Variants in APP observed in about 807,000 individuals in gnomAD.
The protein encoded by APP is amyloid beta precursor protein, also known as amyloid-beta precursor protein.
In APP, 31 loss-of-function variants were observed where a neutral mutation model predicts 101.4. The observed-to-expected ratio is 0.31, with a 90% CI of 0.23 to 0.41. The LOEUF (loss-of-function observed/expected upper bound fraction) is 0.41. Among genes scored for constraint, APP ranks in the 10% least tolerant of loss-of-function variants. The probability of loss-of-function intolerance (pLI) is 1.00; values close to 1 mark genes in which losing one functional copy is unlikely to be tolerated. For missense variants in APP, 839 were observed against 1,003.7 expected, an observed-to-expected ratio of 0.84 and a Z score of 2.22; for synonymous variants, 366 against 364.4, an observed-to-expected ratio of 1.00 and a Z score of -0.05.
chr21:25,895,616 AT>A (rs2037990646), intron 16 of APP, among the ~76,000 whole-genome samples: 1 of 152,218 alleles, frequency 6.6e-6, no homozygotes, highest in African/African-American at 2.4e-5. Context: ...CAAATGACTG[AT>A]TTTTCTAAGC....
chr21:26,011,586 C>A (rs1042992291), intron 6 of APP, among the ~76,000 whole-genome samples: 2 of 151,934 alleles, frequency 1.3e-5, no homozygotes, highest in Non-Finnish European at 2.9e-5. Flanking sequence ...ATTATCTGGC[C>A]CAAAACATCA....
intron 16 of APP, among the ~76,000 whole-genome samples, chr21:25,895,127 C>A: frequency 6.9e-6 from 1 of 145,622 alleles, no homozygotes; most frequent in Admixed American, 6.9e-5. Context: ...TTTTTTTAGA[C>A]ATAATGCTAT....
At chr21:26,141,641 A>G (rs1235410894) in intron 1 of APP, among the ~76,000 whole-genome samples, 1 of 152,140 alleles carries the variant, frequency 6.6e-6, no homozygotes, top group Non-Finnish European at 1.5e-5. Context: ...TCAATCACCA[A>G]TGCTGGCTTA....
At chr21:25,900,678 C>T (rs925371091) in intron 15 of APP, among the ~76,000 whole-genome samples, 1 of 151,996 alleles carries the variant, frequency 6.6e-6, no homozygotes, top group African/African-American at 2.4e-5. Flanking sequence ...GATTTTGGAG[C>T]CAAATATTTA....
At chr21:25,897,854 T>C in intron 15 of APP, 181 bp from the exon 16 acceptor site, 1 of 610,724 alleles carries the variant, frequency 1.6e-6, no homozygotes, top group Non-Finnish European at 2.9e-6. Flanking sequence ...CTACCTATTT[T>C]GAACAAAAAG....
intron 1 of APP, among the ~76,000 whole-genome samples, chr21:26,138,420 C>T (rs1183778397): frequency 6.6e-6 from 1 of 151,666 alleles, no homozygotes; most frequent in Non-Finnish European, 1.5e-5. Context: ...ATGTCATTCT[C>T]AAGCCAGGCA....
chr21:25,951,579 C>G (rs1326257145), intron 13 of APP, among the ~76,000 whole-genome samples: 1 of 151,988 alleles, frequency 6.6e-6, no homozygotes, highest in Non-Finnish European at 1.5e-5. Flanking sequence ...TGAACTGACT[C>G]CAAATCTAAA....
intron 1 of APP, among the ~76,000 whole-genome samples, chr21:26,140,782 T>C (rs1026589905): frequency 6.6e-6 from 1 of 152,274 alleles, no homozygotes; most frequent in Non-Finnish European, 1.5e-5. Flanking sequence ...TGTTAATTCA[T>C]AGACTCTCCC....
intron 5 of APP, among the ~76,000 whole-genome samples, chr21:26,023,011 C>G (rs2044411942): frequency 6.7e-6 from 1 of 148,704 alleles, no homozygotes; most frequent in Admixed American, 6.7e-5. Context: ...TTAAGTAAAC[C>G]TGCAATGCCC....
intron 3 of APP, among the ~76,000 whole-genome samples, chr21:26,056,258 G>A (rs1374749425): frequency 1.3e-5 from 2 of 152,150 alleles, no homozygotes; most frequent in East Asian, 1.9e-4. Context: ...GGCTGGTCTC[G>A]AACTCCTAGG....
intron 13 of APP, among the ~76,000 whole-genome samples, chr21:25,930,126 T>G (rs1460878144): frequency 3.9e-5 from 6 of 152,152 alleles, no homozygotes; most frequent in Non-Finnish European, 8.8e-5. Flanking sequence ...GTAGCAAGAC[T>G]TGCCCACAGC....
chr21:26,136,201 G>GAAAGAAAGA (rs1437228929), intron 1 of APP, among the ~76,000 whole-genome samples: 1 of 112,646 alleles, frequency 8.9e-6, no homozygotes, highest in African/African-American at 3.2e-5. Flanking sequence ...AAGAAAGAAA[G>GAAAGAAAGA]AAAAGAAAAG....
chr21:26,054,624 T>G (rs1248937819), intron 3 of APP, among the ~76,000 whole-genome samples: 3 of 105,244 alleles, frequency 2.9e-5, no homozygotes, highest in East Asian at 3.4e-4. Flanking sequence ...CCAAAAGTTT[T>G]TTTTTTTTTT....
rs558607879 is a variant in APP at position 25,966,553 on chromosome 21, T to C, written c.1458+8517A>G. Among the ~76,000 whole-genome samples the C allele has an allele frequency of 1.9e-3, 284 of 152,364 alleles. 1 individual carries two copies. The highest frequency in any genetic ancestry group is 3.3e-3 in the Non-Finnish European group (224 of 68,036). On this transcript the variant is annotated intron_variant, in intron 11 of 17. Transcript: ENST00000346798. ...TGCTGGTGGAATGCCTTAAACATTA[T>C]AATATTCATCTGTCCACATACCAAG...
At chr21:26,151,917 T>C (rs2063278826) in intron 1 of APP, among the ~76,000 whole-genome samples, 1 of 152,170 alleles carries the variant, frequency 6.6e-6, no homozygotes, top group African/African-American at 2.4e-5. Context: ...ACCTGATATT[T>C]GGCAAACAAT....
chr21:26,044,883 T>C (rs1413417925), intron 5 of APP, among the ~76,000 whole-genome samples: 1 of 152,216 alleles, frequency 6.6e-6, no homozygotes, highest in Non-Finnish European at 1.5e-5. Context: ...GGTATTCTCA[T>C]CCACTTAGTC....
chr21:25,953,404 TG>T (rs5843186), intron 13 of APP, among the ~76,000 whole-genome samples: 152,330 of 152,332 alleles, frequency 1, 76,164 homozygotes, highest in Middle Eastern at 1. Flanking sequence ...TGGCATAAAA[TG>T]GGAAAAAGTG....
chr21:26,025,219 AT>A (rs1186815584), intron 5 of APP, among the ~76,000 whole-genome samples: 1 of 152,120 alleles, frequency 6.6e-6, no homozygotes. Context: ...CTGCCTTTGC[AT>A]TTTTCTGTAG....
chr21:26,029,724 C>A (rs970473574), intron 5 of APP, among the ~76,000 whole-genome samples: 1 of 152,070 alleles, frequency 6.6e-6, no homozygotes, highest in African/African-American at 2.4e-5. Flanking sequence ...AACTGCAACC[C>A]GCAACTTGTT....
Sources: gnomAD v4.1 joint callset for allele counts (sites outside exome capture counted in the v4.1 genomes callset) on GRCh38, gnomAD v4.1.1 for gene constraint, MANE v1.5 for transcripts, NCBI Gene and HGNC (gene_info 2026-07-23, HGNC 2026-07-21) for gene names.